PCDHA10: variants seen among roughly 807,000 people sequenced by gnomAD.
PCDHA10 encodes protocadherin alpha 10.
A neutral mutation model predicts 61.2 loss-of-function variants in PCDHA10; 45 were observed. The ratio of observed to expected loss-of-function variants is 0.74; its 90% CI spans 0.58 to 0.94. The LOEUF (loss-of-function observed/expected upper bound fraction) is 0.94, where lower values mean the gene tolerates loss of function less well. PCDHA10 is among the 40% of genes least tolerant of loss of function. PCDHA10 has a pLI of 0.00. For synonymous variants in PCDHA10, 602 were observed against 548.8 expected (o/e 1.10, Z -1.35); for missense variants, 1,278 against 1,236.2 (o/e 1.03, Z -0.51).
At chr5:140,876,597 G>A in intron 1 of PCDHA10, 1 of 1,614,160 alleles carries the variant, frequency 6.2e-7, no homozygotes, top group Non-Finnish European at 8.5e-7. Flanking sequence ...TTAGCGTGTC[G>A]GATCGTGACT....
intron 1 of PCDHA10, chr5:140,966,547 G>A (rs2096020137): frequency 2.1e-6 from 1 of 467,502 alleles, no homozygotes; most frequent in Non-Finnish European, 3.6e-6. Context: ...ACTCGGAGGC[G>A]AGCGGAGGAG....
chr5:140,880,385 A>T (rs191215782), intron 1 of PCDHA10, among the ~76,000 whole-genome samples: 86 of 152,346 alleles, frequency 5.6e-4, no homozygotes, highest in African/African-American at 2.1e-3. Context: ...ATAGAAAATA[A>T]TTTTTAAGAG....
In PCDHA10 at chr5:140,968,565, C is replaced by T. The variant is rs532751675; in HGVS notation, c.2389-10384C>T. ...GAGATGGTGCCTCGAACTGCCCCTG[C>T]TGGCTACCTGGTCACCAAAGTCATA... is the stretch of plus-strand genomic sequence containing the variant. On this transcript the variant is annotated intron_variant, in intron 1 of 3. Coordinates refer to ENST00000307360, the MANE Select transcript of PCDHA10 (RefSeq NM_018901.4). 4.3e-6 allele frequency: 7 copies of T among 1,614,206 alleles called. No homozygotes were observed. The African/African-American group carries it at 6.7e-5, about 15-fold the overall frequency.
chr5:140,952,813 G>A (rs1162015418), intron 1 of PCDHA10, among the ~76,000 whole-genome samples: 1 of 152,158 alleles, frequency 6.6e-6, no homozygotes, highest in African/African-American at 2.4e-5. Context: ...TCTGCAGGCT[G>A]TACAGGAAGC....
chr5:140,877,389 G>T, intron 1 of PCDHA10: 1 of 1,613,994 alleles, frequency 6.2e-7, no homozygotes, highest in Non-Finnish European at 8.5e-7. Context: ...TCCTGGATGA[G>T]GCGGACGCTC....
chr5:140,876,269 C>T, intron 1 of PCDHA10: 2 of 1,614,036 alleles, frequency 1.2e-6, no homozygotes, highest in Non-Finnish European at 1.7e-6. Flanking sequence ...CAACTAAATG[C>T]TTCCGATCCA....
At chr5:140,896,871 TTTATGGG>T (rs1349052738) in intron 1 of PCDHA10, among the ~76,000 whole-genome samples, 1 of 152,200 alleles carries the variant, frequency 6.6e-6, no homozygotes, top group Non-Finnish European at 1.5e-5. Flanking sequence ...AGTGTACATA[TTTATGGG>T]GTATATGAGA....
At chr5:140,889,263 GTA>G (rs1262739748) in intron 1 of PCDHA10, among the ~76,000 whole-genome samples, 1 of 151,748 alleles carries the variant, frequency 6.6e-6, no homozygotes, top group Admixed American at 6.6e-5. Flanking sequence ...GTAAAAGTTT[GTA>G]TAATCTTTGA....
chr5:140,977,342 T>C (rs1554238451), intron 1 of PCDHA10, among the ~76,000 whole-genome samples: 3 of 152,222 alleles, frequency 2.0e-5, no homozygotes, highest in Non-Finnish European at 4.4e-5. Context: ...GAGACGGTGA[T>C]GATGACTGAT....
rs1033698977 is a variant in PCDHA10 at position 140,868,958 on chromosome 5, T to A, written c.2388+10522T>A. ...TGGTCTGAACAGTGAGGCACTCCCA[T>A]ACAAAGGAACTCCATCATACCGGAT... On this transcript the variant is annotated intron_variant, in intron 1 of 3. Coordinates refer to ENST00000307360, the MANE Select transcript of PCDHA10 (RefSeq NM_018901.4). The A allele has an allele frequency of 4.3e-6, 6 of 1,397,388 alleles. No individual in the cohort carries two copies. The African/African-American group carries it at 8.6e-5, about 20-fold the overall frequency. The allele number at this position is 1,397,388 out of a possible 1,614,324, so 86.6% of individuals were successfully genotyped here.
chr5:140,912,897 G>A (rs782442093), intron 1 of PCDHA10, among the ~76,000 whole-genome samples: 5 of 152,172 alleles, frequency 3.3e-5, no homozygotes, highest in Non-Finnish European at 5.9e-5. Context: ...TTGATATGAT[G>A]TATCATATTG....
chr5:140,972,589 T>C (rs1258846206), intron 1 of PCDHA10, among the ~76,000 whole-genome samples: 2 of 152,074 alleles, frequency 1.3e-5, no homozygotes, highest in Non-Finnish European at 2.9e-5. Flanking sequence ...AGAATTTCTC[T>C]TTGGAAATTT....
At chr5:140,873,008 A>G (rs1455373788) in intron 1 of PCDHA10, among the ~76,000 whole-genome samples, 2 of 152,166 alleles carry the variant, frequency 1.3e-5, no homozygotes, top group African/African-American at 4.8e-5. Flanking sequence ...GTCATTCTTC[A>G]TATTTAGTTA....
In PCDHA10 at chr5:140,873,562, T is replaced by C. The variant is rs2054348263; in HGVS notation, c.2388+15126T>C. On this transcript the variant is annotated intron_variant, in intron 1 of 3. Coordinates refer to ENST00000307360, the MANE Select transcript of PCDHA10 (RefSeq NM_018901.4). ...AAAATTATAATTTCAATTTATTTTCTAGTTTGGTTGTTTAAGTATTAAGCT... is the reference window on the plus strand; with the variant it reads ...AAAATTATAATTTCAATTTATTTTCCAGTTTGGTTGTTTAAGTATTAAGCT... Among the ~76,000 whole-genome samples, 7 of 149,812 alleles carry C rather than the reference T, an allele frequency of 4.7e-5. No individual in the cohort carries two copies. In the South Asian group the frequency reaches 1.5e-3, roughly 31 times the overall value.
chr5:140,982,416 A>C, intron 2 of PCDHA10, 59 bp from the exon 3 acceptor site: 1 of 1,610,294 alleles, frequency 6.2e-7, no homozygotes, highest in Non-Finnish European at 8.5e-7. Context: ...TGAGGGTGGA[A>C]GAAGAGATGG....
chr5:140,994,272 C>G (rs1400320599), intron 3 of PCDHA10, among the ~76,000 whole-genome samples: 1 of 152,168 alleles, frequency 6.6e-6, no homozygotes, highest in Non-Finnish European at 1.5e-5. Context: ...GCTAGGCTGC[C>G]TTTCTTGAGA....
intron 3 of PCDHA10, among the ~76,000 whole-genome samples, chr5:141,006,484 A>T (rs1028996250): frequency 9.9e-5 from 15 of 152,130 alleles, no homozygotes; most frequent in Non-Finnish European, 7.4e-5. Flanking sequence ...AAGTGCTGGG[A>T]TTACATGTGT....
At chr5:140,972,276 A>G (rs1471308188) in intron 1 of PCDHA10, among the ~76,000 whole-genome samples, 1 of 150,442 alleles carries the variant, frequency 6.6e-6, no homozygotes, top group Non-Finnish European at 1.5e-5. Flanking sequence ...AGTAGCTTGG[A>G]CCATAGATGT....
Position 140,857,279 on chromosome 5 carries a change from G to T in PCDHA10, c.1231G>T (p.Ala411Ser), listed in dbSNP as rs782434219. ...TTACTACTCATTGGTGCTGGACAGC[G>T]CTCTGGACCGCGAGAGGGTGTCGGC... Reference protein sequence around the residue: ...KNYYSLVLDSALDRERVSAYE... With the variant: ...KNYYSLVLDSSLDRERVSAYE... Residue 411 changes from alanine (A) to serine (S), a missense_variant, in exon 1 of 4, where the codon GCT (alanine) becomes TCT (serine). By Grantham distance (99) the Ala-to-Ser change is moderately conservative. Transcript: ENST00000307360. 22 of 1,598,726 alleles carry T rather than the reference G, an allele frequency of 1.4e-5. No homozygotes were observed. The East Asian group carries it at 4.7e-4, about 34-fold the overall frequency.
Sources: gnomAD v4.1 joint callset for allele counts (sites outside exome capture counted in the v4.1 genomes callset) on GRCh38, gnomAD v4.1.1 for gene constraint, MANE v1.5 for transcripts, NCBI Gene and HGNC (gene_info 2026-07-23, HGNC 2026-07-21) for gene names.